The following SHH variants were observed in gnomAD, a reference collection of about 807,000 sequenced individuals.
SHH encodes sonic hedgehog protein.
Under a neutral mutation model 16.6 loss-of-function variants are expected in SHH, and 3 were observed. That is an observed-to-expected ratio of 0.18 (90% CI 0.08 to 0.47). The LOEUF (loss-of-function observed/expected upper bound fraction) is 0.47, where lower values mean the gene tolerates loss of function less well. Among genes scored for constraint, SHH ranks in the 20% least tolerant of loss-of-function variants. The probability of loss-of-function intolerance (pLI) is 0.98; values close to 1 mark genes in which losing one functional copy is unlikely to be tolerated. For missense variants in SHH, 499 were observed against 665.0 expected (o/e 0.75, Z 2.75); for synonymous variants, 351 against 316.2 (o/e 1.11, Z -1.17).
In SHH at chr7:155,803,373, C is replaced by A. The variant is rs537257011; in HGVS notation, c.916G>T (p.Ala306Ser). The stretch of plus-strand genomic sequence containing the variant: ...CGCTGGCCCGGGCGCACGCGGCTGG[C>A]GAACAGCGCCCGAGGCCCCAGTGCG... ...GGALGPRALFASRVRPGQRVY... is the reference protein window; with the variant it reads ...GGALGPRALFSSRVRPGQRVY... The change falls in exon 3 of 3, where the codon GCC becomes TCC. Residue 306 changes from alanine (A) to serine (S), a missense_variant. Coordinates refer to ENST00000297261, the MANE Select transcript of SHH (RefSeq NM_000193.4). The A allele has an allele frequency of 6.9e-7, 1 of 1,456,318 alleles. No individual in the cohort carries two copies. 90.2% of individuals were successfully genotyped at this position (1,456,318 alleles called of 1,614,324 possible).
chr7:155,811,690 T>A, intron 1 of SHH, 133 bp downstream of exon 1: 1 of 876,310 alleles, frequency 1.1e-6, no homozygotes. Context: ...GGCGGGCAGG[T>A]GGGTGGGGAA....
chr7:155,803,286 C>A lies in SHH; in HGVS notation c.1003G>T (p.Val335Leu). Residue 335 changes from valine (V) to leucine (L), a missense_variant, in exon 3 of 3, where the codon GTG becomes TTG. Coordinates refer to ENST00000297261, the MANE Select transcript of SHH (RefSeq NM_000193.4). ...RRLLPAAVHS[V>L]TLSEEAAGAY... ...CCCGCGGCCTCCTCGCTTAGGGTCA[C>A]GCTGTGCACAGCGGCGGGCAGGAGC... is the stretch of plus-strand genomic sequence containing the variant. 1 of 1,497,932 alleles carries A rather than the reference C, an allele frequency of 6.7e-7. No homozygotes were observed. Among genetic ancestry groups the A allele is most frequent in the South Asian group, 1.3e-5 (1 of 79,356 alleles). 92.8% of individuals were successfully genotyped at this position (1,497,932 alleles called of 1,614,324 possible).
intron 2 of SHH, among the ~76,000 whole-genome samples, chr7:155,804,321 G>T (rs1302396113): frequency 6.6e-6 from 1 of 152,144 alleles, no homozygotes; most frequent in Non-Finnish European, 1.5e-5. Flanking sequence ...AAAAATAGCT[G>T]CAGTAGTTGT....
At chr7:155,805,525 A>C in intron 2 of SHH, among the ~76,000 whole-genome samples, 1 of 152,244 alleles carries the variant, frequency 6.6e-6, no homozygotes, top group Non-Finnish European at 1.5e-5. Flanking sequence ...GTGCCAATTT[A>C]TGCGGGCGGA....
At position 155,803,552 on chromosome 7, in the gene SHH, T is replaced by C. The variant is rs1416459058; in HGVS notation, c.737A>G (p.Asp246Gly). 6 of 1,596,852 alleles carry C rather than the reference T, an allele frequency of 3.8e-6. No individual in the cohort carries two copies. The highest frequency in any genetic ancestry group is 5.1e-6 in the Non-Finnish European group (6 of 1,178,396). ...CACGTAGAAGACCTTCTTGGCGCCG[T>C]CGTCGCGGTCCAGGAAAGTGAGGAA... ...SDFLTFLDRD[D>G]GAKKVFYVIE... The change falls in exon 3 of 3, where the codon GAC becomes GGC. Residue 246 changes from aspartate to glycine, a missense_variant. By Grantham distance (94) the Asp-to-Gly change is moderately conservative (BLOSUM62 -1). Around this residue, in one of 4 missense-constraint regions of SHH, gnomAD observed 114 missense variants for 200.4 expected, o/e 0.57. Transcript: ENST00000297261.
intron 2 of SHH, among the ~76,000 whole-genome samples, chr7:155,805,290 G>T (rs953141198): frequency 6.6e-6 from 1 of 151,920 alleles, no homozygotes; most frequent in African/African-American, 2.4e-5. Flanking sequence ...GGAGCTCTCC[G>T]GGCCGCACAC....
rs1157744913 is a variant in SHH at position 155,803,632 on chromosome 7, G to T, written c.657C>A (p.Ser219Arg). 5 of 1,598,204 alleles carry T rather than the reference G, an allele frequency of 3.1e-6. No homozygotes were observed. The highest frequency in any genetic ancestry group is 2.2e-5 in the South Asian group (2 of 90,828). ...CCGCCGCCAGCACGCGGTCCCCGGG[G>T]CTCAGGTCCTTCACCAGCTTGGTGC... Reference protein sequence around the residue: ...QGGTKLVKDLSPGDRVLAADD... With the variant: ...QGGTKLVKDLRPGDRVLAADD... Residue 219 changes from serine to arginine, a missense_variant, in exon 3 of 3, where the codon AGC becomes AGA. Ser to Arg is a moderately radical substitution (Grantham distance 110). Transcript: ENST00000297261.
At position 155,802,076 on chromosome 7, in the gene SHH, C is replaced by CAAAAAAAAAAAAAAAAAAAAAAAA. The variant is rs10596345; in HGVS notation, c.*800_*823dup. On this transcript the variant is annotated 3_prime_UTR_variant, in exon 3 of 3. Transcript: ENST00000297261. ...AAAATAACAGTTCTTCCAGTTTGTC[C>CAAAAAAAAAAAAAAAAAAAAAAAA]AAAAAAAAAAAAAAAAAAAAAAAAG... The CAAAAAAAAAAAAAAAAAAAAAAAA allele has an allele frequency of 1.3e-4, 12 of 91,188 alleles. No individual in the cohort carries two copies. Among genetic ancestry groups the CAAAAAAAAAAAAAAAAAAAAAAAA allele is most frequent in the African/African-American group, 4.0e-4 (9 of 22,646 alleles). 5.6% of individuals were successfully genotyped at this position (91,188 alleles called of 1,614,324 possible). A position where few individuals can be genotyped will look rare whatever the true frequency, so the allele number is the denominator to read the frequency against.
In SHH at chr7:155,803,017, C is replaced by CGGA. The variant is rs1803232962; in HGVS notation, c.1269_1271dup (p.Pro424dup). ...GGATGCCCGCGGTGGCCCCCGCACC[C>CGGA]GGAGCGTCGGCAGCACCTGGAGCGG... On this transcript the variant is annotated inframe_insertion, in exon 3 of 3. Coordinates refer to ENST00000297261, the MANE Select transcript of SHH (RefSeq NM_000193.4). 4 of 1,548,996 alleles carry CGGA rather than the reference C, an allele frequency of 2.6e-6. No homozygotes were observed. In the East Asian group the frequency reaches 1.0e-4, roughly 40 times the overall value.
Position 155,802,805 on chromosome 7 carries a change from T to C in SHH, c.*95A>G. ...TTCTTATTCTTATTATAACTCAGTC[T>C]GGTTCGTGCGCCTTTTCCGAGTGTC... On this transcript the variant is annotated 3_prime_UTR_variant, in exon 3 of 3. Coordinates refer to ENST00000297261, the MANE Select transcript of SHH (RefSeq NM_000193.4). 2 of 723,778 alleles carry C rather than the reference T, an allele frequency of 2.8e-6. 1 individual carries two copies. Among genetic ancestry groups the C allele is most frequent in the South Asian group, 5.7e-5 (2 of 34,806 alleles). 44.8% of individuals were successfully genotyped at this position (723,778 alleles called of 1,614,324 possible). A position where few individuals can be genotyped will look rare whatever the true frequency, so the allele number is the denominator to read the frequency against.
At chr7:155,811,689 G>A (rs1803526775) in intron 1 of SHH, 134 bp downstream of exon 1, 3 of 881,708 alleles carry the variant, frequency 3.4e-6, no homozygotes, top group Admixed American at 1.7e-5. Flanking sequence ...GGGCGGGCAG[G>A]TGGGTGGGGA....
At position 155,807,154 on chromosome 7, in the gene SHH, G is replaced by A. The variant is rs1290209097; in HGVS notation, c.301-597C>T. ...GGCCCTAACCCTATCCGAGGCAGAG[G>A]GGAGGCGAGAAGCCGCTGGCGGGGC... On this transcript the variant is annotated intron_variant, in intron 1 of 2. Transcript: ENST00000297261. This position sits in a 1 kb window ranked among gnomAD's most constrained non-coding sequence, Gnocchi z 7.1. The A allele has an allele frequency of 1.3e-5, 2 of 159,290 alleles. No individual in the cohort carries two copies. Among genetic ancestry groups the A allele is most frequent in the Non-Finnish European group, 1.4e-5 (1 of 71,834 alleles). The allele number at this position is 159,290 out of a possible 1,614,324, so 9.9% of individuals were successfully genotyped here. A position where few individuals can be genotyped will look rare whatever the true frequency, so the allele number is the denominator to read the frequency against.
chr7:155,807,630 G>A lies in SHH; in HGVS notation c.301-1073C>T, dbSNP rs141075960. 3.3e-5 allele frequency among the ~76,000 whole-genome samples: 5 copies of A among 152,334 alleles called. No individual in the cohort carries two copies. Among genetic ancestry groups the A allele is most frequent in the Admixed American group, 6.5e-5 (1 of 15,304 alleles). ...GAATTCTGGGGTCACCCTCAGATAA[G>A]GATGCGACAGAAAGCAGTTGAATCC... On this transcript the variant is annotated intron_variant, in intron 1 of 2. Transcript: ENST00000297261. The surrounding 1 kb of genome is among the most constrained non-coding windows in gnomAD (Gnocchi z 7.1).
chr7:155,808,287 G>T (rs1401411556), intron 1 of SHH, among the ~76,000 whole-genome samples: 1 of 151,592 alleles, frequency 6.6e-6, no homozygotes, highest in Non-Finnish European at 1.5e-5. Context: ...CCCGTTGCGC[G>T]CAGGCGCACA....
intron 1 of SHH, 113 bp from the exon 2 acceptor site, chr7:155,806,670 G>A (rs753311072): frequency 6.1e-6 from 8 of 1,308,104 alleles, no homozygotes; most frequent in Non-Finnish European, 7.7e-6. Context: ...AGGGCCATGC[G>A]GAGAGGTGGG....
intron 2 of SHH, among the ~76,000 whole-genome samples, chr7:155,805,641 A>G (rs937901915): frequency 6.6e-5 from 10 of 152,170 alleles, no homozygotes; most frequent in Non-Finnish European, 5.9e-5. Context: ...TTGCAGGCCC[A>G]GAGAAGACAG....
At chr7:155,808,639 G>T (rs1389230035) in intron 1 of SHH, among the ~76,000 whole-genome samples, 1 of 152,170 alleles carries the variant, frequency 6.6e-6, no homozygotes, top group Non-Finnish European at 1.5e-5. Context: ...TCCTCCGCCC[G>T]CGCTGGGCGG....
intron 2 of SHH, 107 bp from the exon 3 acceptor site, chr7:155,803,833 A>T: frequency 1.0e-6 from 1 of 992,576 alleles, no homozygotes; most frequent in Non-Finnish European, 1.5e-6. Flanking sequence ...CTCCTAGGCC[A>T]GGGGTGCGCA....
At chr7:155,805,872 A>T (rs989393625) in intron 2 of SHH, among the ~76,000 whole-genome samples, 7 of 152,216 alleles carry the variant, frequency 4.6e-5, no homozygotes, top group Admixed American at 1.3e-4. Flanking sequence ...GGGGCAGGAT[A>T]GACACCCCTG....
Sources: allele counts gnomAD v4.1 joint callset (sites outside exome capture counted in the v4.1 genomes callset), GRCh38; gene constraint gnomAD v4.1.1; regional missense constraint gnomAD v4.1.1; non-coding constraint Gnocchi (gnomAD v3.1); transcripts MANE v1.5; gene names NCBI Gene and HGNC (gene_info 2026-07-23, HGNC 2026-07-21).